Variants in CACNA1A observed in about 807,000 individuals in gnomAD.
The protein encoded by CACNA1A is voltage-dependent P/Q-type calcium channel subunit alpha-1A.
CACNA1A carries 57 observed loss-of-function variants against 262.4 expected under a neutral mutation model. That is an observed-to-expected ratio of 0.22 (90% CI 0.18 to 0.27). CACNA1A has a LOEUF of 0.27. Among genes scored for constraint, CACNA1A ranks in the 10% least tolerant of loss-of-function variants. The probability of loss-of-function intolerance (pLI) is 1.00; values close to 1 mark genes in which losing one functional copy is unlikely to be tolerated. For synonymous variants in CACNA1A, 1,431 were observed against 1,419.3 expected, an observed-to-expected ratio of 1.01 and a Z score of -0.18; for missense variants, 2,526 against 3,562.8, an observed-to-expected ratio of 0.71 and a Z score of 7.41.
intron 38 of CACNA1A, among the ~76,000 whole-genome samples, chr19:13,224,319 C>G (rs1212903359): frequency 1.3e-5 from 1 of 76,288 alleles, no homozygotes; most frequent in East Asian, 2.2e-4. Flanking sequence ...GGGAAATTGT[C>G]ACACCAAAAA....
chr19:13,263,044 G>T (rs2056774114), intron 24 of CACNA1A: 2 of 563,056 alleles, frequency 3.6e-6, no homozygotes, highest in South Asian at 4.0e-5. Flanking sequence ...GCTTTTTGTG[G>T]TTCTGGTCCC....
Position 13,367,718 on chromosome 19 carries a change from A to T in CACNA1A, c.632-2249T>A, listed in dbSNP as rs1473399704. The stretch of plus-strand genomic sequence containing the variant: ...ACTCCAGCCTGGGTGAAAGTGCGAG[A>T]TTCCATCTCAAAAAGAAAGAAGGCA... On this transcript the variant is annotated intron_variant, in intron 4 of 46. Coordinates refer to ENST00000360228, the MANE Select transcript of CACNA1A (RefSeq NM_001127222.2). 6.6e-5 allele frequency among the ~76,000 whole-genome samples: 10 copies of T among 152,106 alleles called. No individual in the cohort carries two copies. In the East Asian group the frequency reaches 1.4e-3, roughly 21 times the overall value.
intron 1 of CACNA1A, among the ~76,000 whole-genome samples, chr19:13,486,715 T>C (rs1340892011): frequency 6.6e-6 from 1 of 152,084 alleles, no homozygotes; most frequent in African/African-American, 2.4e-5. Context: ...TACCTCCATA[T>C]CTCTCCCTCT....
At chr19:13,273,269 T>A (rs1358531410) in intron 24 of CACNA1A, 3 of 152,224 alleles carry the variant, frequency 2.0e-5, no homozygotes, top group Non-Finnish European at 4.4e-5. Context: ...CCCAGCCTAT[T>A]ATAATACATT....
intron 1 of CACNA1A, among the ~76,000 whole-genome samples, chr19:13,469,038 G>A (rs2061302762): frequency 6.6e-6 from 1 of 152,114 alleles, no homozygotes; most frequent in Admixed American, 6.5e-5. Flanking sequence ...GAAGTCAGGT[G>A]AGGTGAGGAG....
chr19:13,463,478 C>T (rs746948741), intron 1 of CACNA1A, among the ~76,000 whole-genome samples: 18 of 152,188 alleles, frequency 1.2e-4, no homozygotes, highest in Non-Finnish European at 2.1e-4. Context: ...ACAAGGGCAA[C>T]CCTAGCGCTG....
chr19:13,255,731 C>T (rs1171014222), intron 28 of CACNA1A, among the ~76,000 whole-genome samples: 3 of 106,358 alleles, frequency 2.8e-5, no homozygotes, highest in African/African-American at 1.1e-4. Context: ...TTCTCTCCCT[C>T]CCTCCTTCCC....
chr19:13,462,845 G>C lies in CACNA1A; in HGVS notation c.294-7633C>G, dbSNP rs2061149660. Among the ~76,000 whole-genome samples, 4 of 152,068 alleles carry C rather than the reference G, an allele frequency of 2.6e-5. No homozygotes were observed. In the South Asian group the frequency reaches 8.3e-4, roughly 32 times the overall value. ...CACGATCACAGCTCACTGTAGCCTT[G>C]ACCTCCCAGGCTCAAGCGATCCACC... On this transcript the variant is annotated intron_variant, in intron 1 of 46. Coordinates refer to ENST00000360228, the MANE Select transcript of CACNA1A (RefSeq NM_001127222.2).
At chr19:13,416,517 C>T (rs750617485) in intron 3 of CACNA1A, among the ~76,000 whole-genome samples, 3 of 151,938 alleles carry the variant, frequency 2.0e-5, no homozygotes, top group Non-Finnish European at 4.4e-5. Flanking sequence ...CCTGTCTCTA[C>T]TAAAACTACA....
chr19:13,291,148 T>C (rs2057527070), intron 19 of CACNA1A, among the ~76,000 whole-genome samples: 1 of 152,156 alleles, frequency 6.6e-6, no homozygotes, highest in Admixed American at 6.5e-5. Context: ...CTGCCTGGAA[T>C]AGGTGGCCAG....
intron 17 of CACNA1A, among the ~76,000 whole-genome samples, chr19:13,302,342 GA>G (rs1178910986): frequency 1.3e-5 from 2 of 152,130 alleles, no homozygotes; most frequent in South Asian, 2.1e-4. Context: ...CGGAGGCAGG[GA>G]TTTTTGCCTT....
chr19:13,307,457 T>A (rs2057928997), intron 15 of CACNA1A: 1 of 228,450 alleles, frequency 4.4e-6, no homozygotes, highest in Non-Finnish European at 8.5e-6. Context: ...TGGTCTCGAA[T>A]TCCTGATCTC....
chr19:13,399,267 T>TC (rs1169517426), intron 3 of CACNA1A, among the ~76,000 whole-genome samples: 2 of 151,996 alleles, frequency 1.3e-5, no homozygotes, highest in Non-Finnish European at 2.9e-5. Flanking sequence ...ATCAGGTTTT[T>TC]CTCCTCCATT....
At chr19:13,233,913 T>C (rs1403455352) in intron 34 of CACNA1A, among the ~76,000 whole-genome samples, 1 of 152,106 alleles carries the variant, frequency 6.6e-6, no homozygotes, top group East Asian at 1.9e-4. Flanking sequence ...CTTTTCTCTA[T>C]TTCCTGGTGC....
At position 13,418,930 on chromosome 19, in the gene CACNA1A, G is replaced by C. The variant is rs1316172487; in HGVS notation, c.539+33946C>G. 2.0e-5 allele frequency among the ~76,000 whole-genome samples: 3 copies of C among 151,998 alleles called. No homozygotes were observed. In the East Asian group the frequency reaches 5.8e-4, roughly 29 times the overall value. On this transcript the variant is annotated intron_variant, in intron 3 of 46. Coordinates refer to ENST00000360228, the MANE Select transcript of CACNA1A (RefSeq NM_001127222.2). ...TTTTTTTGAGATGGAGTTTTGCTCT[G>C]TCACCCAGGCTGGAGTGCAGTGGCA...
chr19:13,241,782 C>T lies in CACNA1A; in HGVS notation c.4950+3400G>A, dbSNP rs145089550. ...TGGATGAGTTTTTCAGACGGCGTTGCGCCAATATACAGTTTTAAGAGCAGG... is the reference window on the plus strand; with the variant it reads ...TGGATGAGTTTTTCAGACGGCGTTGTGCCAATATACAGTTTTAAGAGCAGG... On this transcript the variant is annotated intron_variant, in intron 31 of 46. Transcript: ENST00000360228. This position sits in a 1 kb window ranked among gnomAD's most constrained non-coding sequence, Gnocchi z 4.0. Among the ~76,000 whole-genome samples, 223 of 152,144 alleles carry T rather than the reference C, an allele frequency of 1.5e-3. No individual in the cohort carries two copies. The highest frequency in any genetic ancestry group is 4.5e-3 in the African/African-American group (187 of 41,498).
chr19:13,447,193 GA>G (rs911153704), intron 3 of CACNA1A, among the ~76,000 whole-genome samples: 21 of 151,508 alleles, frequency 1.4e-4, no homozygotes, highest in Non-Finnish European at 2.7e-4. Flanking sequence ...CTACAGACCA[GA>G]AAAAAAAATA....
chr19:13,356,037 G>A (rs923099830), intron 6 of CACNA1A, among the ~76,000 whole-genome samples: 8 of 152,162 alleles, frequency 5.3e-5, no homozygotes, highest in Admixed American at 5.2e-4. Context: ...CTAACCAAAG[G>A]ACGAGGGTGG....
intron 36 of CACNA1A, among the ~76,000 whole-genome samples, chr19:13,227,876 A>G (rs898310359): frequency 7.8e-5 from 11 of 141,212 alleles, no homozygotes; most frequent in African/African-American, 2.9e-4. Context: ...ACTTTGGAAG[A>G]CGTAGAGCCA....
Sources: allele counts gnomAD v4.1 joint callset (sites outside exome capture counted in the v4.1 genomes callset), GRCh38; gene constraint gnomAD v4.1.1; non-coding constraint Gnocchi (gnomAD v3.1); transcripts MANE v1.5; gene names NCBI Gene and HGNC (gene_info 2026-07-23, HGNC 2026-07-21).